Variants in ENPP2 observed in about 807,000 individuals in gnomAD.
The protein encoded by ENPP2 is ectonucleotide pyrophosphatase/phosphodiesterase 2, also known as autotaxin.
Under a neutral mutation model 120.2 loss-of-function variants are expected in ENPP2, and 51 were observed. The observed-to-expected ratio is 0.42, with a 90% CI of 0.34 to 0.54. The LOEUF (loss-of-function observed/expected upper bound fraction) is 0.54, where lower values mean the gene tolerates loss of function less well. ENPP2 is among the 20% of genes least tolerant of loss of function. The pLI is 0.04. For synonymous variants in ENPP2, 365 were observed against 366.4 expected, an observed-to-expected ratio of 1.00 and a Z score of 0.04; for missense variants, 920 against 1,066.5, an observed-to-expected ratio of 0.86 and a Z score of 1.91.
intron 11 of ENPP2, among the ~76,000 whole-genome samples, chr8:119,594,091 C>A (rs1009769382): frequency 2.0e-5 from 3 of 152,122 alleles, no homozygotes; most frequent in Non-Finnish European, 4.4e-5. Flanking sequence ...TTTAAAGATT[C>A]TTTGATATAA....
intron 13 of ENPP2, among the ~76,000 whole-genome samples, chr8:119,588,752 C>T (rs1426472089): frequency 6.6e-6 from 1 of 152,034 alleles, no homozygotes; most frequent in African/African-American, 2.4e-5. Flanking sequence ...TGGTCTTTGA[C>T]AATGAAGAGA....
chr8:119,584,167 T>TCCTGAATGG, intron 15 of ENPP2, 118 bp from the exon 16 acceptor site: 2 of 665,050 alleles, frequency 3.0e-6, no homozygotes, highest in Non-Finnish European at 5.3e-6. Flanking sequence ...TGCCTCTATT[T>TCCTGAATGG]TAATTGCATT....
intron 3 of ENPP2, among the ~76,000 whole-genome samples, chr8:119,624,599 T>C (rs1282689594): frequency 2.0e-5 from 3 of 152,180 alleles, no homozygotes; most frequent in Non-Finnish European, 2.9e-5. Flanking sequence ...TCATTCATAA[T>C]AGTAAAACTC....
chr8:119,563,041 C>T (rs776848914), intron 23 of ENPP2, 28 bp from the exon 24 acceptor site: 3 of 1,605,240 alleles, frequency 1.9e-6, no homozygotes, highest in Non-Finnish European at 2.6e-6. Flanking sequence ...AACGAAGTCA[C>T]AGTTGATGAG....
At chr8:119,612,440 T>G (rs1200481096) in intron 8 of ENPP2, among the ~76,000 whole-genome samples, 1 of 152,212 alleles carries the variant, frequency 6.6e-6, no homozygotes, top group African/African-American at 2.4e-5. Flanking sequence ...ACCCCTATTC[T>G]GTGTCATTCT....
At chr8:119,634,968 C>G (rs1262754601) in intron 2 of ENPP2, among the ~76,000 whole-genome samples, 1 of 152,170 alleles carries the variant, frequency 6.6e-6, no homozygotes, top group African/African-American at 2.4e-5. Context: ...TTGACTCAAA[C>G]TCCCCAATTT....
chr8:119,673,265 C>A, exon 1 of ENPP2: 2 of 1,535,246 alleles, frequency 1.3e-6, no homozygotes, highest in South Asian at 2.4e-5. Context: ...ATCGGCGTGG[C>A]GGGTCATGCT....
rs1360816969 is a variant in ENPP2, at chr8:119,666,775, T to C, written c.21+6477A>G. The stretch of plus-strand genomic sequence containing the variant: ...AGCCTGGGCAAAAAGAGCAAAACTG[T>C]CTAAAAAAAAAAAAAAGCTTAATGA... On this transcript the variant is annotated intron_variant, in intron 1 of 25. Coordinates refer to the ENPP2 transcript ENST00000427067. Among the ~76,000 whole-genome samples, 3 of 106,332 alleles carry C rather than the reference T, an allele frequency of 2.8e-5. 1 individual carries two copies. The highest frequency in any genetic ancestry group is 5.1e-5 in the African/African-American group (1 of 19,500). 69.8% of individuals were successfully genotyped at this position (106,332 alleles called of 152,430 possible).
At chr8:119,558,575 G>A (rs1813662895) in intron 24 of ENPP2, among the ~76,000 whole-genome samples, 1 of 152,110 alleles carries the variant, frequency 6.6e-6, no homozygotes, top group Non-Finnish European at 1.5e-5. Flanking sequence ...TGTCTAACTT[G>A]AAACTAAAAG....
At chr8:119,665,047 T>A (rs1301618885) in intron 1 of ENPP2, among the ~76,000 whole-genome samples, 1 of 152,198 alleles carries the variant, frequency 6.6e-6, no homozygotes, top group African/African-American at 2.4e-5. Flanking sequence ...ATTCCCTGTG[T>A]ATGTTCCCGT....
chr8:119,655,300 G>A (rs979980509), intron 1 of ENPP2, among the ~76,000 whole-genome samples: 2 of 152,180 alleles, frequency 1.3e-5, no homozygotes, highest in Admixed American at 1.3e-4. Flanking sequence ...GAGAGTCACC[G>A]CATATTTGAA....
At chr8:119,565,519 C>A (rs1814343803) in intron 22 of ENPP2, among the ~76,000 whole-genome samples, 1 of 152,192 alleles carries the variant, frequency 6.6e-6, no homozygotes. Flanking sequence ...CTGCCCCAAC[C>A]CTCGCCTTCT....
chr8:119,647,102 A>G (rs549690265), intron 1 of ENPP2, among the ~76,000 whole-genome samples: 2 of 151,800 alleles, frequency 1.3e-5, no homozygotes, highest in South Asian at 2.1e-4. Flanking sequence ...GGTTCAAGCA[A>G]TTCTCTGCCT....
intron 19 of ENPP2, among the ~76,000 whole-genome samples, chr8:119,572,440 A>G (rs6987751): frequency 0.15 from 23,147 of 152,094 alleles, 2,134 homozygotes; most frequent in African/African-American, 0.25. Flanking sequence ...CACCAAACAA[A>G]AATCTTGGAC....
At position 119,569,258 on chromosome 8, in the gene ENPP2, G is replaced by A. The variant is rs138866490; in HGVS notation, c.2030C>T (p.Ser677Phe). 1.9e-6 allele frequency: 3 copies of A among 1,614,050 alleles called. No individual in the cohort carries two copies. Among genetic ancestry groups the A allele is most frequent in the African/African-American group, 2.7e-5 (2 of 75,026 alleles). The part of the protein sequence containing the change: ...CLAYKNDKQM[S>F]YGFLFPPYLS... ...ACAAGGAGGAAAGAGGAATCCGTAGGACATCTGCTTATCATTTTTGTAGGC... is the reference window on the plus strand; with the variant it reads ...ACAAGGAGGAAAGAGGAATCCGTAGAACATCTGCTTATCATTTTTGTAGGC... Residue 677 changes from serine to phenylalanine, a missense_variant, in exon 21 of 25, where the codon TCC becomes TTC. Transcript: ENST00000075322.
chr8:119,605,556 G>T (rs1473988319), intron 9 of ENPP2, among the ~76,000 whole-genome samples: 6 of 151,048 alleles, frequency 4.0e-5, no homozygotes, highest in Non-Finnish European at 8.8e-5. Context: ...TGCCTCCCAG[G>T]TTCAAGCCAT....
At chr8:119,568,490 A>T (rs1425805226) in intron 21 of ENPP2, among the ~76,000 whole-genome samples, 7 of 151,936 alleles carry the variant, frequency 4.6e-5, no homozygotes, top group Non-Finnish European at 8.8e-5. Flanking sequence ...TTTTTTTCTT[A>T]CTGTCTACTT....
intron 1 of ENPP2, among the ~76,000 whole-genome samples, chr8:119,649,066 C>T (rs1166123599): frequency 3.9e-5 from 6 of 152,022 alleles, no homozygotes; most frequent in African/African-American, 7.3e-5. Flanking sequence ...TATTTTTATA[C>T]ACTAACAATA....
At chr8:119,600,841 T>TG in intron 10 of ENPP2, 91 bp from the exon 11 acceptor site, 2 of 803,690 alleles carry the variant, frequency 2.5e-6, no homozygotes, top group Non-Finnish European at 4.1e-6. Flanking sequence ...TAAAAAAAAA[T>TG]GTTCTCAAGT....
Sources: allele counts gnomAD v4.1 joint callset (sites outside exome capture counted in the v4.1 genomes callset), GRCh38; gene constraint gnomAD v4.1.1; transcripts MANE v1.5; gene names NCBI Gene and HGNC (gene_info 2026-07-23, HGNC 2026-07-21).